TRDN: variants seen among roughly 807,000 people sequenced by gnomAD.
TRDN encodes triadin, also known as triadin in skeletal muscle.
Under a neutral mutation model 149.7 loss-of-function variants are expected in TRDN, and 161 were observed. The ratio of observed to expected loss-of-function variants is 1.08; its 90% confidence interval spans 0.95 to 1.23. The LOEUF (loss-of-function observed/expected upper bound fraction) is 1.23, where lower values mean the gene tolerates loss of function less well. TRDN is among the 50% of genes most tolerant of loss of function. The pLI is 0.00. For synonymous variants in TRDN, 294 were observed against 250.5 expected (o/e 1.17, Z -1.64); for missense variants, 896 against 823.5 (o/e 1.09, Z -1.08).
At chr6:123,453,891 G>T (rs1271652814) in intron 10 of TRDN, among the ~76,000 whole-genome samples, 1 of 105,426 alleles carries the variant, frequency 9.5e-6, no homozygotes, top group Non-Finnish European at 1.9e-5. Flanking sequence ...AGAAACTGTG[G>T]TGTGTGTGTG....
chr6:123,220,989 T>C (rs1486242393), intron 40 of TRDN, among the ~76,000 whole-genome samples: 1 of 151,826 alleles, frequency 6.6e-6, no homozygotes, highest in Non-Finnish European at 1.5e-5. Flanking sequence ...TGAATATTGA[T>C]TGGATTCTAA....
chr6:123,221,436 G>A lies in TRDN; in HGVS notation c.2050+51C>T, dbSNP rs140547828. 1.3e-3 allele frequency: 1,784 copies of A among 1,322,026 alleles called. 12 individuals are homozygous for A. The African/African-American group carries it at 0.024, about 18-fold the overall frequency. 81.9% of individuals were successfully genotyped at this position (1,322,026 alleles called of 1,614,324 possible). On this transcript the variant is annotated intron_variant, in intron 40 of 40. Coordinates refer to ENST00000334268, the MANE Select transcript of TRDN (RefSeq NM_006073.4). ...AGTCTAACATTTTTACATAGATGTA[G>A]CATCTTTAATACAGAATGATTTATT... is the stretch of plus-strand genomic sequence containing the variant.
chr6:123,489,738 A>C (rs946555071), intron 9 of TRDN: 1 of 151,020 alleles, frequency 6.6e-6, no homozygotes, highest in African/African-American at 2.5e-5. Context: ...AACAATGAAG[A>C]AGCAGAATAA....
rs78110287 is a variant in TRDN at position 123,335,318 on chromosome 6, T to C, written c.1420+2301A>G. Reference sequence around the variant, plus strand: ...CTGCAAACCTTTATATATGTAATTTTCTAGTGATTGAAATTCTAGAGAAAA... The same window carrying C: ...CTGCAAACCTTTATATATGTAATTTCCTAGTGATTGAAATTCTAGAGAAAA... On this transcript the variant is annotated intron_variant, in intron 22 of 40. Coordinates refer to ENST00000334268, the MANE Select transcript of TRDN (RefSeq NM_006073.4). Among the ~76,000 whole-genome samples, 788 of 152,008 alleles carry C rather than the reference T, an allele frequency of 5.2e-3. 5 individuals are homozygous for C. Among genetic ancestry groups the C allele is most frequent in the African/African-American group, 0.018 (757 of 41,542 alleles).
chr6:123,243,596 C>A (rs978392325), intron 38 of TRDN, among the ~76,000 whole-genome samples: 3 of 151,754 alleles, frequency 2.0e-5, no homozygotes, highest in African/African-American at 7.3e-5. Context: ...AAAATAGAAC[C>A]AAATTGAAAT....
At chr6:123,503,167 A>G in intron 8 of TRDN, 1 of 985,234 alleles carries the variant, frequency 1.0e-6, no homozygotes. Flanking sequence ...GAAACTGAAA[A>G]AGAAACTTGA....
chr6:123,505,901 T>C (rs747621998), intron 7 of TRDN, among the ~76,000 whole-genome samples: 1 of 151,920 alleles, frequency 6.6e-6, no homozygotes, highest in Admixed American at 6.6e-5. Context: ...GTTTCACATG[T>C]CCATAAACTT....
At chr6:123,225,125 C>T (rs1482944647) in intron 38 of TRDN, among the ~76,000 whole-genome samples, 2 of 138,650 alleles carry the variant, frequency 1.4e-5, no homozygotes, top group South Asian at 2.4e-4. Flanking sequence ...CCAACAGGCA[C>T]GTGGAAAGAT....
chr6:123,501,389 A>G (rs1229144967), intron 8 of TRDN, among the ~76,000 whole-genome samples: 2 of 125,978 alleles, frequency 1.6e-5, no homozygotes, highest in African/African-American at 5.9e-5. Flanking sequence ...CTCTTGCCCA[A>G]AAAGCTAACT....
chr6:123,612,096 A>G (rs1475064789), intron 1 of TRDN, among the ~76,000 whole-genome samples: 3 of 151,690 alleles, frequency 2.0e-5, no homozygotes, highest in Non-Finnish European at 4.4e-5. Flanking sequence ...TCAAGTTCGA[A>G]AATAGAAGAG....
rs549868429 is a variant in TRDN at position 123,401,519 on chromosome 6, ATAT to A, written c.1052-7845_1052-7843del. On this transcript the variant is annotated intron_variant, in intron 12 of 40. Transcript: ENST00000334268. ...AGTGCTTACTGGGAATAAGGCATCT[ATAT>A]TACCTAAACATAAGAATTAGTTCCA... 9.5e-4 allele frequency among the ~76,000 whole-genome samples: 145 copies of A among 152,322 alleles called. 1 individual carries two copies. Among genetic ancestry groups the A allele is most frequent in the Middle Eastern group, 3.4e-3 (1 of 294 alleles).
chr6:123,302,210 C>T (rs1778454160), intron 24 of TRDN, among the ~76,000 whole-genome samples: 1 of 151,750 alleles, frequency 6.6e-6, no homozygotes, highest in Admixed American at 6.6e-5. Flanking sequence ...TGATATGAGC[C>T]AAAGAGACTC....
At chr6:123,499,719 A>AAAAAAAAAATATAT in intron 8 of TRDN, among the ~76,000 whole-genome samples, 3 of 47,682 alleles carry the variant, frequency 6.3e-5, no homozygotes, top group African/African-American at 1.4e-4. Flanking sequence ...AAAAAAAAAA[A>AAAAAAAAAATATAT]ATATATATAT....
chr6:123,363,344 G>A (rs1285853039), intron 20 of TRDN, among the ~76,000 whole-genome samples: 1 of 152,198 alleles, frequency 6.6e-6, no homozygotes, highest in Non-Finnish European at 1.5e-5. Context: ...TCAGTGAGAG[G>A]TAGGAGATGA....
At chr6:123,530,674 C>A in intron 4 of TRDN, 109 bp from the exon 5 acceptor site, 1 of 617,736 alleles carries the variant, frequency 1.6e-6, no homozygotes, top group Non-Finnish European at 2.3e-6. Flanking sequence ...AATTATTATA[C>A]AGTTACTAAC....
At chr6:123,451,479 C>G (rs1010788742) in intron 10 of TRDN, among the ~76,000 whole-genome samples, 2 of 151,862 alleles carry the variant, frequency 1.3e-5, no homozygotes, top group Admixed American at 1.3e-4. Context: ...ACACCTTTAC[C>G]CACATAAACT....
chr6:123,456,459 G>T (rs1352421881), intron 10 of TRDN, among the ~76,000 whole-genome samples: 1 of 150,904 alleles, frequency 6.6e-6, no homozygotes, highest in Non-Finnish European at 1.5e-5. Flanking sequence ...TCATTTAATT[G>T]AAGCAGGCAT....
intron 9 of TRDN, among the ~76,000 whole-genome samples, chr6:123,478,089 A>T (rs1048050106): frequency 6.6e-6 from 1 of 152,052 alleles, no homozygotes; most frequent in African/African-American, 2.4e-5. Context: ...TTCACCAAAA[A>T]AAAAAAAACC....
At chr6:123,567,491 C>T (rs1782351976) in intron 2 of TRDN, among the ~76,000 whole-genome samples, 1 of 152,106 alleles carries the variant, frequency 6.6e-6, no homozygotes, top group African/African-American at 2.4e-5. Context: ...CACACTTCTG[C>T]AGTCTGTACA....
Sources: allele counts gnomAD v4.1 joint callset (sites outside exome capture counted in the v4.1 genomes callset), GRCh38; gene constraint gnomAD v4.1.1; transcripts MANE v1.5; gene names NCBI Gene and HGNC (gene_info 2026-07-23, HGNC 2026-07-21).